EYS: variants seen among roughly 807,000 people sequenced by gnomAD.
EYS encodes the protein EGF-like photoreceptor maintenance factor, also known as protein eyes shut homolog.
EYS carries 250 observed loss-of-function variants against 282.1 expected under a neutral mutation model. That is an observed-to-expected ratio of 0.89 (90% CI 0.80 to 0.98). EYS has a LOEUF of 0.98. EYS is among the 50% of genes least tolerant of loss of function. The pLI, the probability that EYS is intolerant of heterozygous loss-of-function variation, is 0.00. For missense variants in EYS, 4,016 were observed against 3,709.0 expected (o/e 1.08, Z -2.15); for synonymous variants, 1,355 against 1,282.9 (o/e 1.06, Z -1.20).
chr6:64,836,777 T>A (rs1189666439), intron 19 of EYS, among the ~76,000 whole-genome samples: 1 of 151,530 alleles, frequency 6.6e-6, no homozygotes, highest in African/African-American at 2.4e-5. Context: ...CTGTAAATAA[T>A]CTCTTCAAAT....
chr6:64,013,190 G>A (rs530796790), intron 33 of EYS, among the ~76,000 whole-genome samples: 23 of 152,234 alleles, frequency 1.5e-4, no homozygotes, highest in African/African-American at 4.3e-4. Flanking sequence ...CAGAGCAGTC[G>A]TCAAGGGAAC....
intron 22 of EYS, chr6:64,730,983 A>G (rs1771942813): frequency 6.6e-6 from 1 of 152,156 alleles, no homozygotes; most frequent in Non-Finnish European, 1.5e-5. Context: ...TAGGGCAACT[A>G]CAGTTTCATC....
intron 36 of EYS, among the ~76,000 whole-genome samples, chr6:63,863,091 G>A (rs1772575526): frequency 6.6e-6 from 1 of 152,240 alleles, no homozygotes; most frequent in African/African-American, 2.4e-5. Flanking sequence ...CTGGGGCAGA[G>A]GGCCCTGAGT....
intron 22 of EYS, among the ~76,000 whole-genome samples, chr6:64,703,480 A>T (rs1193658949): frequency 1.6e-5 from 2 of 121,366 alleles, no homozygotes; most frequent in African/African-American, 6.3e-5. Context: ...CCCAGGCTGG[A>T]GTAGTGCAGT....
intron 12 of EYS, among the ~76,000 whole-genome samples, chr6:65,077,573 C>CT (rs1262738825): frequency 1.3e-5 from 2 of 152,088 alleles, no homozygotes; most frequent in Non-Finnish European, 2.9e-5. Context: ...ATTACAACTT[C>CT]TTAACTTTCA....
At chr6:64,287,704 T>C (rs1285250122) in intron 30 of EYS, among the ~76,000 whole-genome samples, 1 of 152,138 alleles carries the variant, frequency 6.6e-6, no homozygotes, top group African/African-American at 2.4e-5. Flanking sequence ...TGACACCATT[T>C]TATTTAAAAG....
intron 7 of EYS, among the ~76,000 whole-genome samples, chr6:65,394,201 A>T (rs1368106986): frequency 6.6e-6 from 1 of 151,986 alleles, no homozygotes; most frequent in African/African-American, 2.4e-5. Flanking sequence ...CATTGCATTC[A>T]GTAAAAATTA....
chr6:63,894,872 C>A (rs1027747812), intron 35 of EYS, among the ~76,000 whole-genome samples: 10 of 152,128 alleles, frequency 6.6e-5, no homozygotes, highest in Non-Finnish European at 1.3e-4. Context: ...CAGGCCTTAG[C>A]CACTGCGCCC....
chr6:65,036,833 A>G (rs1417526014), intron 13 of EYS, among the ~76,000 whole-genome samples: 2 of 152,018 alleles, frequency 1.3e-5, no homozygotes, highest in Admixed American at 6.6e-5. Context: ...GGTTGTGGGG[A>G]AAAGGGAATA....
At chr6:65,312,562 A>T (rs1314901074) in intron 11 of EYS, among the ~76,000 whole-genome samples, 1 of 152,208 alleles carries the variant, frequency 6.6e-6, no homozygotes, top group Non-Finnish European at 1.5e-5. Context: ...ATGTCTAGGG[A>T]TAAACAGTCT....
At chr6:64,463,776 T>G (rs371656593) in intron 26 of EYS, among the ~76,000 whole-genome samples, 1 of 152,064 alleles carries the variant, frequency 6.6e-6, no homozygotes, top group East Asian at 1.9e-4. Flanking sequence ...AGATAGCAAA[T>G]AAGAAGATTG....
At chr6:64,844,123 A>G (rs1765647332) in intron 19 of EYS, among the ~76,000 whole-genome samples, 2 of 151,842 alleles carry the variant, frequency 1.3e-5, no homozygotes, top group Non-Finnish European at 2.9e-5. Context: ...GTCCAATTAA[A>G]CCTCTCTTTC....
At chr6:65,655,776 T>G (rs192858618) in intron 1 of EYS, among the ~76,000 whole-genome samples, 1 of 151,846 alleles carries the variant, frequency 6.6e-6, no homozygotes, top group Non-Finnish European at 1.5e-5. Context: ...TTTTTATGGA[T>G]GAGCAAATAA....
At chr6:63,942,442 C>T (rs1470252295) in intron 35 of EYS, among the ~76,000 whole-genome samples, 1 of 152,152 alleles carries the variant, frequency 6.6e-6, no homozygotes, top group East Asian at 1.9e-4. Flanking sequence ...TAGTAGACAT[C>T]TCTATTAAGG....
At chr6:65,156,003 G>T (rs543832227) in intron 12 of EYS, among the ~76,000 whole-genome samples, 2 of 151,570 alleles carry the variant, frequency 1.3e-5, no homozygotes, top group African/African-American at 4.8e-5. Flanking sequence ...CCAAGCTTCA[G>T]TCTGTAGATT....
At chr6:64,962,619 A>T (rs779908284) in intron 14 of EYS, among the ~76,000 whole-genome samples, 4 of 152,008 alleles carry the variant, frequency 2.6e-5, no homozygotes, top group Non-Finnish European at 4.4e-5. Flanking sequence ...GTATGCCTGT[A>T]GTCCCAGATA....
chr6:64,138,198 C>T (rs771809732), intron 31 of EYS, among the ~76,000 whole-genome samples: 20 of 152,108 alleles, frequency 1.3e-4, no homozygotes, highest in South Asian at 1.2e-3. Flanking sequence ...AGCTGTAAGT[C>T]GTAGACGAGG....
chr6:64,354,503 A>T (rs1771755509), intron 29 of EYS, among the ~76,000 whole-genome samples: 1 of 151,576 alleles, frequency 6.6e-6, no homozygotes, highest in African/African-American at 2.4e-5. Context: ...AAAGAATGTT[A>T]AGTGTTTTCT....
chr6:64,345,759 C>G (rs950962552), intron 29 of EYS, among the ~76,000 whole-genome samples: 2 of 152,034 alleles, frequency 1.3e-5, no homozygotes, highest in African/African-American at 2.4e-5. Context: ...TCAGAGTGAA[C>G]AGGCAACCTA....
Sources: allele counts gnomAD v4.1 joint callset (sites outside exome capture counted in the v4.1 genomes callset), GRCh38; gene constraint gnomAD v4.1.1; transcripts MANE v1.5; gene names NCBI Gene and HGNC (gene_info 2026-07-23, HGNC 2026-07-21).